RALYL: variants seen among roughly 807,000 people sequenced by gnomAD.
RALYL encodes the protein RALY RNA binding protein like.
In RALYL, 29 loss-of-function variants were observed where a neutral mutation model predicts 35.1. The ratio of observed to expected loss-of-function variants is 0.83; its 90% CI spans 0.61 to 1.13. The LOEUF is 1.13. RALYL is among the 50% of genes most tolerant of loss of function. The probability of loss-of-function intolerance (pLI) is 0.00; values close to 1 mark genes in which losing one functional copy is unlikely to be tolerated. For missense variants in RALYL, 359 were observed against 360.4 expected (o/e 1.00, Z 0.03); for synonymous variants, 120 against 127.6 (o/e 0.94, Z 0.40).
chr8:84,907,320 A>T (rs200389956), intron 8 of RALYL, among the ~76,000 whole-genome samples: 1,768 of 119,254 alleles, frequency 0.015, 53 homozygotes, highest in East Asian at 0.13. Context: ...TCACACACAC[A>T]CACACACACA....
intron 8 of RALYL, among the ~76,000 whole-genome samples, chr8:84,912,791 A>C (rs1297679529): frequency 6.6e-6 from 1 of 152,050 alleles, no homozygotes; most frequent in Non-Finnish European, 1.5e-5. Flanking sequence ...TTTCAAATCA[A>C]GTATTTATTT....
intron 1 of RALYL, among the ~76,000 whole-genome samples, chr8:84,237,437 A>G (rs1424860487): frequency 6.6e-6 from 1 of 152,220 alleles, no homozygotes; most frequent in African/African-American, 2.4e-5. Context: ...GAAGGGAATA[A>G]AATAAGCAGT....
chr8:84,803,218 A>ATCTT (rs1586392354), intron 3 of RALYL, among the ~76,000 whole-genome samples: 1 of 152,184 alleles, frequency 6.6e-6, no homozygotes, highest in East Asian at 1.9e-4. Flanking sequence ...CCCACATGCT[A>ATCTT]TCTTTATTTC....
intron 1 of RALYL, among the ~76,000 whole-genome samples, chr8:84,237,233 A>ATTCTCT (rs1446802947): frequency 5.3e-5 from 8 of 152,222 alleles, no homozygotes; most frequent in African/African-American, 1.9e-4. Context: ...GTGCAGCAGG[A>ATTCTCT]TTCTCTTGGT....
Position 84,539,771 on chromosome 8 carries a change from G to T in RALYL, c.256+10194G>T, listed in dbSNP as rs76360619. On this transcript the variant is annotated intron_variant, in intron 2 of 8. Coordinates refer to ENST00000521268, the MANE Select transcript of RALYL (RefSeq NM_173848.7). ...GTAATCCCACAGGATTTGTTGAAGA[G>T]ACTCTTGTTTTTTAACTGCCCTGAA... Among the ~76,000 whole-genome samples the T allele has an allele frequency of 1.7e-4, 26 of 149,654 alleles. No homozygotes were observed. In the East Asian group the frequency reaches 4.3e-3, roughly 25 times the overall value.
chr8:84,570,236 T>C (rs572711027), intron 2 of RALYL, among the ~76,000 whole-genome samples: 1 of 152,076 alleles, frequency 6.6e-6, no homozygotes, highest in South Asian at 2.1e-4. Flanking sequence ...TTTTTTTATT[T>C]GTTTGTGTCA....
chr8:84,804,327 A>G (rs968165778), intron 3 of RALYL, among the ~76,000 whole-genome samples: 5 of 152,190 alleles, frequency 3.3e-5, no homozygotes, highest in African/African-American at 1.2e-4. Context: ...AAATAACTAT[A>G]TATGGTATGC....
At chr8:84,592,027 T>C (rs955546885) in intron 2 of RALYL, among the ~76,000 whole-genome samples, 1 of 152,180 alleles carries the variant, frequency 6.6e-6, no homozygotes, top group Non-Finnish European at 1.5e-5. Context: ...ATTGTTTCTA[T>C]GTGCCCCACA....
chr8:84,482,225 A>T (rs923390619), intron 1 of RALYL, among the ~76,000 whole-genome samples: 3 of 152,024 alleles, frequency 2.0e-5, no homozygotes, highest in African/African-American at 7.2e-5. Flanking sequence ...CCTTTGTTTA[A>T]TTTTTTCAAA....
At chr8:84,685,116 C>A (rs139360965) in intron 2 of RALYL, among the ~76,000 whole-genome samples, 145 of 152,136 alleles carry the variant, frequency 9.5e-4, no homozygotes, top group African/African-American at 3.2e-3. Flanking sequence ...TCCCAAAGGC[C>A]CCATTTCCAA....
chr8:84,613,058 G>T (rs1465844771), intron 2 of RALYL, among the ~76,000 whole-genome samples: 2 of 151,478 alleles, frequency 1.3e-5, no homozygotes, highest in African/African-American at 4.9e-5. Context: ...AAGATTACGG[G>T]TTTATGAGTT....
chr8:84,622,060 C>T (rs1328512769), intron 2 of RALYL, among the ~76,000 whole-genome samples: 2 of 152,054 alleles, frequency 1.3e-5, no homozygotes, highest in Non-Finnish European at 2.9e-5. Flanking sequence ...ACTTTAAATG[C>T]ATGGAATTAA....
At chr8:84,436,167 T>A (rs762063088) in intron 1 of RALYL, among the ~76,000 whole-genome samples, 1 of 152,074 alleles carries the variant, frequency 6.6e-6, no homozygotes, top group Admixed American at 6.6e-5. Context: ...TTGAAGAAGA[T>A]TAAATATTAT....
rs147122998 is a variant in RALYL, at chr8:84,689,012, T to C, written c.257-85567T>C. Among the ~76,000 whole-genome samples the C allele has an allele frequency of 1.7e-4, 26 of 151,376 alleles. No homozygotes were observed. The East Asian group carries it at 4.9e-3, about 28-fold the overall frequency. On this transcript the variant is annotated intron_variant, in intron 2 of 8. Coordinates refer to ENST00000521268, the MANE Select transcript of RALYL (RefSeq NM_173848.7). ...AGGAAAATGCAAATCCAAACCGCAA[T>C]AAGATATTAACTCATACACTATTAG... is the stretch of plus-strand genomic sequence containing the variant.
intron 1 of RALYL, among the ~76,000 whole-genome samples, chr8:84,229,912 A>G (rs1824920836): frequency 6.6e-6 from 1 of 152,302 alleles, no homozygotes; most frequent in East Asian, 1.9e-4. Flanking sequence ...TAGGATAAGA[A>G]GATTGCTTGT....
intron 1 of RALYL, among the ~76,000 whole-genome samples, chr8:84,206,686 A>G (rs1043784504): frequency 6.6e-6 from 1 of 152,166 alleles, no homozygotes; most frequent in Non-Finnish European, 1.5e-5. Context: ...AGTTGAAATG[A>G]AAATGGATTT....
intron 2 of RALYL, among the ~76,000 whole-genome samples, chr8:84,657,713 G>C (rs1000197594): frequency 6.6e-6 from 1 of 152,104 alleles, no homozygotes; most frequent in Admixed American, 6.6e-5. Context: ...AAACTGGGGG[G>C]ATAAATCAAG....
intron 1 of RALYL, among the ~76,000 whole-genome samples, chr8:84,226,516 C>T (rs1003588848): frequency 2.0e-5 from 3 of 152,104 alleles, no homozygotes; most frequent in East Asian, 1.9e-4. Context: ...GAGTGATTCT[C>T]CTGCCTCTGA....
At chr8:84,222,873 C>G (rs551814263) in intron 1 of RALYL, among the ~76,000 whole-genome samples, 2 of 152,152 alleles carry the variant, frequency 1.3e-5, no homozygotes, top group South Asian at 4.1e-4. Context: ...CAAATATACT[C>G]TGTTCAAATA....
Sources: gnomAD v4.1 joint callset for allele counts (sites outside exome capture counted in the v4.1 genomes callset) on GRCh38, gnomAD v4.1.1 for gene constraint, MANE v1.5 for transcripts, NCBI Gene and HGNC (gene_info 2026-07-23, HGNC 2026-07-21) for gene names.